The following DNAH14 variants were observed in gnomAD, a reference collection of about 807,000 sequenced individuals.
DNAH14 encodes the protein axonemal beta dynein heavy chain 14.
In DNAH14, 478 loss-of-function variants were observed where a neutral mutation model predicts 520.9. The ratio of observed to expected loss-of-function variants is 0.92; its 90% CI spans 0.85 to 0.99. DNAH14 has a LOEUF of 0.99. DNAH14 is among the 50% of genes least tolerant of loss of function. The pLI is 0.00. For missense variants in DNAH14, 4,831 were observed against 5,234.5 expected, an observed-to-expected ratio of 0.92 and a Z score of 2.38; for synonymous variants, 1,581 against 1,757.2, an observed-to-expected ratio of 0.90 and a Z score of 2.51.
At position 225,392,480 on chromosome 1, in the gene DNAH14, G is replaced by A. The variant is rs779833652; in HGVS notation, c.13491+29G>A. The A allele has an allele frequency of 9.7e-6, 15 of 1,549,374 alleles. No individual in the cohort carries two copies. The East Asian group carries it at 1.5e-4, about 15-fold the overall frequency. ...CTGGAATACTTCAAGGATTAGAAACGGTGATCATTCATTCATTCATTTATT... is the reference window on the plus strand; with the variant it reads ...CTGGAATACTTCAAGGATTAGAAACAGTGATCATTCATTCATTCATTTATT... On this transcript the variant is annotated intron_variant, in intron 84 of 85. Coordinates refer to ENST00000682510, the MANE Select transcript of DNAH14 (RefSeq NM_001367479.1).
intron 31 of DNAH14, among the ~76,000 whole-genome samples, chr1:225,147,840 A>G (rs557828743): frequency 1.7e-4 from 26 of 152,266 alleles, no homozygotes; most frequent in African/African-American, 6.0e-4. Flanking sequence ...CTATAAGTCC[A>G]TGTGTTCTCA....
Position 225,058,709 on chromosome 1 carries a change from G to A in DNAH14, c.2424+6914G>A, listed in dbSNP as rs537677550. ...CTCTACACACTGCTTTGAATGTTTCGCAGAGATTCTGGTATGTTATGTCTT... is the reference window on the plus strand; with the variant it reads ...CTCTACACACTGCTTTGAATGTTTCACAGAGATTCTGGTATGTTATGTCTT... On this transcript the variant is annotated intron_variant, in intron 17 of 85. Transcript: ENST00000682510. Among the ~76,000 whole-genome samples the A allele has an allele frequency of 7.9e-4, 120 of 151,966 alleles. 1 individual carries two copies. The highest frequency in any genetic ancestry group is 2.7e-3 in the African/African-American group (114 of 41,478).
intron 76 of DNAH14, among the ~76,000 whole-genome samples, chr1:225,365,622 A>G (rs945862655): frequency 6.6e-6 from 1 of 152,118 alleles, no homozygotes; most frequent in Non-Finnish European, 1.5e-5. Flanking sequence ...GTACTGAGCC[A>G]TTTCCCAACA....
chr1:225,134,559 T>C (rs1028024273), intron 27 of DNAH14, among the ~76,000 whole-genome samples: 4 of 152,144 alleles, frequency 2.6e-5, no homozygotes, highest in African/African-American at 9.7e-5. Context: ...AACCTTGCAT[T>C]CTGGGTATAA....
intron 10 of DNAH14, among the ~76,000 whole-genome samples, chr1:225,015,938 G>A (rs2065184060): frequency 2.0e-5 from 3 of 152,142 alleles, no homozygotes; most frequent in Admixed American, 2.0e-4. Context: ...TCTGTGCACA[G>A]ACAAGGAGAG....
chr1:225,186,667 C>T (rs1225525033), intron 37 of DNAH14, among the ~76,000 whole-genome samples: 2 of 151,418 alleles, frequency 1.3e-5, no homozygotes, highest in Admixed American at 6.6e-5. Context: ...TTGAAATAAC[C>T]GAGATAGTAC....
At chr1:225,222,721 CG>C (rs2090160999) in intron 41 of DNAH14, among the ~76,000 whole-genome samples, 1 of 152,124 alleles carries the variant, frequency 6.6e-6, no homozygotes, top group African/African-American at 2.4e-5. Flanking sequence ...AGCCCCCACC[CG>C]ACCCAGAAAT....
intron 42 of DNAH14, among the ~76,000 whole-genome samples, chr1:225,235,501 CTT>C (rs2091510304): frequency 6.6e-6 from 1 of 151,494 alleles, no homozygotes; most frequent in Non-Finnish European, 1.5e-5. Flanking sequence ...TTGAAGTTTT[CTT>C]TTTTGTTATA....
chr1:225,201,868 TCTTC>T (rs1187153206), intron 38 of DNAH14, among the ~76,000 whole-genome samples: 1 of 140,294 alleles, frequency 7.1e-6, no homozygotes, highest in Non-Finnish European at 1.5e-5. Context: ...GCACTTTCTT[TCTTC>T]CTTTTTTTTT....
Position 225,080,673 on chromosome 1 carries a change from C to T in DNAH14, c.3061C>T (p.Leu1021Phe). 2 of 1,551,596 alleles carry T rather than the reference C, an allele frequency of 1.3e-6. No homozygotes were observed. The highest frequency in any genetic ancestry group is 1.7e-6 in the Non-Finnish European group (2 of 1,146,856). Residue 1021 changes from leucine to phenylalanine, a missense_variant, in exon 19 of 86, where the codon CTT (leucine) becomes TTT (phenylalanine). By Grantham distance (22) the Leu-to-Phe change is conservative. Coordinates refer to ENST00000682510, the MANE Select transcript of DNAH14 (RefSeq NM_001367479.1). ...CTCTTGGGAATGGAGGAATAGTTCT[C>T]TTCAAAGTATTGATGTAGAATCAGT... ...RASWEWRNSS[L>F]QSIDVESVQR...
At position 225,147,141 on chromosome 1, in the gene DNAH14, G is replaced by T; in HGVS notation, c.4832G>T (p.Gly1611Val). The change falls in exon 31 of 86, where the codon GGA (glycine) becomes GTA (valine). Residue 1611 changes from glycine to valine, a missense_variant. Coordinates refer to ENST00000682510, the MANE Select transcript of DNAH14 (RefSeq NM_001367479.1). Reference protein sequence around the residue: ...RKFFFGLVQSGAWSCFDEFNL... With the variant: ...RKFFFGLVQSVAWSCFDEFNL... ...TTTTTCTTTGGACTAGTTCAGTCAG[G>T]AGCATGGAGTTGTTTTGATGAATTC... 1 of 1,549,186 alleles carries T rather than the reference G, an allele frequency of 6.5e-7. No homozygotes were observed. The highest frequency in any genetic ancestry group is 8.7e-7 in the Non-Finnish European group (1 of 1,146,048).
At chr1:225,081,222 A>G (rs1234291316) in intron 19 of DNAH14, among the ~76,000 whole-genome samples, 1 of 152,176 alleles carries the variant, frequency 6.6e-6, no homozygotes. Context: ...AATCCTTTCC[A>G]AAAGGGATAT....
Position 225,338,097 on chromosome 1 carries a change from A to G in DNAH14, c.10348A>G (p.Ile3450Val), listed in dbSNP as rs980551956. Residue 3450 changes from isoleucine (I) to valine (V), a missense_variant, in exon 68 of 86, where the codon ATT (isoleucine) becomes GTT (valine). Physicochemically the swap from Ile to Val is conservative, Grantham distance 29. Coordinates refer to ENST00000682510, the MANE Select transcript of DNAH14 (RefSeq NM_001367479.1). ...GACATTAGCTCCAGGCTTAAAGGCA[A>G]TTCTGAAAAAGGATATCTATCAGAA... ...LETLAPGLKA[I>V]LKKDIYQKKG... is the part of the protein sequence containing the mutation. The G allele has an allele frequency of 1.6e-5, 25 of 1,551,192 alleles. No homozygotes were observed. In the Admixed American group the frequency reaches 3.5e-4, roughly 22 times the overall value.
chr1:225,318,249 G>A (rs1027746283), intron 60 of DNAH14, among the ~76,000 whole-genome samples: 4 of 152,166 alleles, frequency 2.6e-5, no homozygotes, highest in East Asian at 3.9e-4. Flanking sequence ...TTTAAGCTTC[G>A]TAGCTTCACA....
intron 8 of DNAH14, among the ~76,000 whole-genome samples, chr1:224,987,462 AAG>A (rs2062721977): frequency 6.6e-6 from 1 of 152,112 alleles, no homozygotes; most frequent in Non-Finnish European, 1.5e-5. Flanking sequence ...TATGGAGAAA[AAG>A]AAGCATATTT....
At chr1:224,973,714 A>G (rs368401319) in intron 7 of DNAH14, among the ~76,000 whole-genome samples, 25 of 152,308 alleles carry the variant, frequency 1.6e-4, no homozygotes, top group African/African-American at 5.5e-4. Flanking sequence ...CTTTTTATCA[A>G]TGTACCTTTT....
intron 43 of DNAH14, among the ~76,000 whole-genome samples, chr1:225,241,237 TG>T (rs1282972013): frequency 6.6e-6 from 1 of 152,184 alleles, no homozygotes; most frequent in Non-Finnish European, 1.5e-5. Context: ...TTGTGCTTTT[TG>T]AATCGGTTCT....
chr1:225,272,354 T>C (rs187014981), intron 51 of DNAH14, among the ~76,000 whole-genome samples: 1 of 152,370 alleles, frequency 6.6e-6, no homozygotes, highest in Non-Finnish European at 1.5e-5. Flanking sequence ...GTTTGCTTTA[T>C]TTCTGAGATT....
intron 34 of DNAH14, among the ~76,000 whole-genome samples, chr1:225,155,357 A>G (rs1353976455): frequency 1.3e-5 from 2 of 152,216 alleles, no homozygotes; most frequent in African/African-American, 4.8e-5. Flanking sequence ...TGTAATAAGT[A>G]TAAAAAGGGA....
Sources: allele counts gnomAD v4.1 joint callset (sites outside exome capture counted in the v4.1 genomes callset), GRCh38; gene constraint gnomAD v4.1.1; transcripts MANE v1.5; gene names NCBI Gene and HGNC (gene_info 2026-07-23, HGNC 2026-07-21).